GPC5: variants seen among roughly 807,000 people sequenced by gnomAD.
GPC5 encodes the protein glypican-5.
Under a neutral mutation model 53.9 loss-of-function variants are expected in GPC5, and 47 were observed. The ratio of observed to expected loss-of-function variants is 0.87; its 90% CI spans 0.69 to 1.11. The LOEUF is 1.11. Ranked by LOEUF, GPC5 falls within the 50% of genes most tolerant of loss-of-function variation. GPC5 has a pLI of 0.00. For synonymous variants in GPC5, 286 were observed against 263.3 expected (o/e 1.09, Z -0.84); for missense variants, 748 against 713.1 (o/e 1.05, Z -0.56).
chr13:92,753,760 G>A lies in GPC5; in HGVS notation c.1562-112522G>A, dbSNP rs191426792. On this transcript the variant is annotated intron_variant, in intron 7 of 7. Transcript: ENST00000377067. ...GAAGATGAAATGAATGAAATGAAGC[G>A]AGAAGGGAAGTTTAGAAAAAAAAAG... Among the ~76,000 whole-genome samples the A allele has an allele frequency of 2.9e-4, 44 of 152,114 alleles. 1 individual carries two copies. The highest frequency in any genetic ancestry group is 4.6e-4 in the Non-Finnish European group (31 of 68,006).
chr13:91,459,108 C>T (rs894939890), intron 2 of GPC5, among the ~76,000 whole-genome samples: 1 of 151,920 alleles, frequency 6.6e-6, no homozygotes, highest in Non-Finnish European at 1.5e-5. Context: ...GGGTACAGTG[C>T]ACACTGCTTG....
At chr13:91,445,345 G>A (rs1880716776) in intron 1 of GPC5, among the ~76,000 whole-genome samples, 1 of 152,176 alleles carries the variant, frequency 6.6e-6, no homozygotes, top group African/African-American at 2.4e-5. Context: ...GCTAACTGGT[G>A]GGACGCATAG....
At chr13:92,531,755 C>T (rs61973649) in intron 7 of GPC5, among the ~76,000 whole-genome samples, 26,144 of 152,102 alleles carry the variant, frequency 0.17, 2,643 homozygotes, top group Non-Finnish European at 0.23. Flanking sequence ...CCACTGTCAG[C>T]GATCAGGGCC....
At chr13:92,521,325 C>T (rs1881036113) in intron 7 of GPC5, among the ~76,000 whole-genome samples, 1 of 152,146 alleles carries the variant, frequency 6.6e-6, no homozygotes, top group South Asian at 2.1e-4. Context: ...CCAAGACAAT[C>T]CTAAGCCAAA....
intron 7 of GPC5, among the ~76,000 whole-genome samples, chr13:92,704,132 C>A (rs1256808252): frequency 1.3e-5 from 2 of 151,924 alleles, no homozygotes; most frequent in Non-Finnish European, 2.9e-5. Context: ...TTCTAATTAC[C>A]CTTAAATTGT....
intron 5 of GPC5, among the ~76,000 whole-genome samples, chr13:91,884,880 T>C (rs2039305493): frequency 1.3e-5 from 2 of 152,220 alleles, no homozygotes; most frequent in African/African-American, 4.8e-5. Context: ...AAACCTTCTG[T>C]ATCCTTTATT....
At chr13:92,165,497 T>G (rs1457910790) in intron 7 of GPC5, among the ~76,000 whole-genome samples, 2 of 152,098 alleles carry the variant, frequency 1.3e-5, no homozygotes, top group Admixed American at 1.3e-4. Flanking sequence ...AGGCACTTCT[T>G]CACAGGGTGA....
At chr13:91,683,037 G>A (rs1420143783) in intron 2 of GPC5, among the ~76,000 whole-genome samples, 11 of 151,074 alleles carry the variant, frequency 7.3e-5, no homozygotes, top group Non-Finnish European at 1.3e-4. Flanking sequence ...GCTTACATGG[G>A]GAAAAAAAAA....
intron 7 of GPC5, among the ~76,000 whole-genome samples, chr13:92,669,913 C>G (rs1422598066): frequency 6.6e-6 from 1 of 152,142 alleles, no homozygotes; most frequent in Non-Finnish European, 1.5e-5. Flanking sequence ...ACCGGAATCC[C>G]TAGACAAGGA....
intron 7 of GPC5, among the ~76,000 whole-genome samples, chr13:92,854,568 T>G (rs1265306420): frequency 2.0e-5 from 3 of 151,824 alleles, no homozygotes; most frequent in African/African-American, 7.2e-5. Flanking sequence ...ATATTTCACC[T>G]AAGAATTATT....
intron 7 of GPC5, among the ~76,000 whole-genome samples, chr13:92,312,399 G>C (rs1468860693): frequency 6.6e-6 from 1 of 152,068 alleles, no homozygotes; most frequent in Admixed American, 6.6e-5. Context: ...TTCTATGTGT[G>C]TTACATAATA....
At chr13:91,707,468 T>A (rs1594458322) in intron 3 of GPC5, among the ~76,000 whole-genome samples, 1 of 151,458 alleles carries the variant, frequency 6.6e-6, no homozygotes. Flanking sequence ...ACAAAAAAAA[T>A]AAGGATTAGG....
At chr13:92,330,419 T>A (rs535285757) in intron 7 of GPC5, among the ~76,000 whole-genome samples, 1 of 152,290 alleles carries the variant, frequency 6.6e-6, no homozygotes, top group Admixed American at 6.5e-5. Context: ...TTTCTTTAAT[T>A]CATCCATCTA....
intron 7 of GPC5, among the ~76,000 whole-genome samples, chr13:92,806,435 A>ATTTCCTTCAAG (rs1211565778): frequency 2.0e-5 from 3 of 151,966 alleles, no homozygotes; most frequent in African/African-American, 7.2e-5. Context: ...AGCACTTTCA[A>ATTTCCTTCAAG]TTTCCTTCAA....
chr13:92,012,758 A>G (rs1233903517), intron 6 of GPC5, among the ~76,000 whole-genome samples: 1 of 152,234 alleles, frequency 6.6e-6, no homozygotes, highest in East Asian at 1.9e-4. Context: ...TTTACATTTT[A>G]TTATAAAATA....
At chr13:91,771,380 T>C (rs1026899181) in intron 5 of GPC5, among the ~76,000 whole-genome samples, 4 of 152,158 alleles carry the variant, frequency 2.6e-5, no homozygotes, top group African/African-American at 9.7e-5. Context: ...TCTTGCGTCT[T>C]TGAAGGGTAA....
At chr13:91,547,544 C>A (rs990114989) in intron 2 of GPC5, among the ~76,000 whole-genome samples, 3 of 152,056 alleles carry the variant, frequency 2.0e-5, no homozygotes, top group African/African-American at 7.2e-5. Flanking sequence ...CAGATAAGTA[C>A]ACTAGTGAAT....
At chr13:92,125,227 C>G (rs2041685209) in intron 6 of GPC5, among the ~76,000 whole-genome samples, 1 of 152,168 alleles carries the variant, frequency 6.6e-6, no homozygotes. Flanking sequence ...AATTCCCTGT[C>G]TAGCCTTAAG....
intron 5 of GPC5, among the ~76,000 whole-genome samples, chr13:91,864,260 G>A (rs569497878): frequency 6.6e-6 from 1 of 152,262 alleles, no homozygotes; most frequent in South Asian, 2.1e-4. Flanking sequence ...GAAAGATTTG[G>A]AGAATTTCAT....
Sources: gnomAD v4.1 joint callset for allele counts (sites outside exome capture counted in the v4.1 genomes callset) on GRCh38, gnomAD v4.1.1 for gene constraint, MANE v1.5 for transcripts, NCBI Gene and HGNC (gene_info 2026-07-23, HGNC 2026-07-21) for gene names.